TULP2: variants seen among roughly 807,000 people sequenced by gnomAD.
TULP2 encodes the protein tubby-related protein 2.
TULP2 carries 64 observed loss-of-function variants against 60.3 expected under a neutral mutation model. The observed-to-expected ratio is 1.06, with a 90% CI of 0.87 to 1.31. TULP2 has a LOEUF of 1.31. Among genes scored for constraint, TULP2 ranks in the 50% most tolerant of loss-of-function variants. TULP2 has a pLI of 0.00. For missense variants in TULP2, 652 were observed against 667.0 expected (o/e 0.98, Z 0.25); for synonymous variants, 267 against 265.4 (o/e 1.01, Z -0.06).
chr19:48,889,417 T>G, intron 7 of TULP2, 93 bp downstream of exon 7: 1 of 1,484,636 alleles, frequency 6.7e-7, no homozygotes, highest in South Asian at 1.4e-5. Flanking sequence ...AAAGAGCTTC[T>G]GATTGGGTGG....
intron 12 of TULP2, among the ~76,000 whole-genome samples, chr19:48,881,574 G>A (rs1008118376): frequency 2.0e-5 from 3 of 151,800 alleles, no homozygotes; most frequent in Non-Finnish European, 4.4e-5. Flanking sequence ...TAGTAGAGAC[G>A]GGGTTTCACC....
At chr19:48,886,838 A>G (rs541923145) in intron 8 of TULP2, among the ~76,000 whole-genome samples, 15 of 151,572 alleles carry the variant, frequency 9.9e-5, no homozygotes, top group South Asian at 2.1e-4. Flanking sequence ...CAGCCTCCCA[A>G]GTAGCTGGGA....
At chr19:48,887,889 G>T in intron 8 of TULP2, 61 bp downstream of exon 8, 3 of 1,548,472 alleles carry the variant, frequency 1.9e-6, no homozygotes. Context: ...TCAGAAAGGA[G>T]TGGGATTTTG....
At position 48,882,200 on chromosome 19, in the gene TULP2, G is replaced by GTTCC. The variant is rs747036452; in HGVS notation, c.1276-1_1278dup (p.Gln427GlyfsTer82). On this transcript the variant is annotated frameshift_variant, in exon 12 of 13. Transcript: ENST00000221399. LOFTEE classifies it high-confidence loss of function. ...TGGTAACGACTCAGTAGCGACTCCTGTTCCTAGAAGGTAAAGAAGGGGCTG... is the reference window on the plus strand; with the variant it reads ...TGGTAACGACTCAGTAGCGACTCCTGTTCCTTCCTAGAAGGTAAAGAAGGGGCTG... The GTTCC allele has an allele frequency of 1.9e-6, 3 of 1,614,050 alleles. No individual in the cohort carries two copies. The highest frequency in any genetic ancestry group is 2.5e-6 in the Non-Finnish European group (3 of 1,179,986).
At position 48,885,574 on chromosome 19, in the gene TULP2, G is replaced by GA. The variant is rs2037172522; in HGVS notation, c.949-15dup. 6.2e-7 allele frequency: 1 copy of GA among 1,610,166 alleles called. No homozygotes were observed. The highest frequency in any genetic ancestry group is 8.5e-7 in the Non-Finnish European group (1 of 1,176,770). ...CAGGAGGAAGCGCTATGGATGAGAG[G>GA]AACAGTCCATTAGAATGGACTTCTG... On this transcript the variant is annotated splice_polypyrimidine_tract_variant and intron_variant, in intron 8 of 12. Transcript: ENST00000221399.
Position 48,889,608 on chromosome 19 carries a change from C to A in TULP2, c.538G>T (p.Asp180Tyr). 2 of 1,583,756 alleles carry A rather than the reference C, an allele frequency of 1.3e-6. No homozygotes were observed. The highest frequency in any genetic ancestry group is 1.1e-5 in the South Asian group (1 of 89,026). The change falls in exon 7 of 13, where the codon GAC becomes TAC. Residue 180 changes from aspartate to tyrosine, a missense_variant. Coordinates refer to ENST00000221399, the MANE Select transcript of TULP2 (RefSeq NM_003323.3). Reference sequence around the variant, plus strand: ...TGTGCATCTCCCATATCCTGGGAGTCACTCTCACCCTCTGCACGGGTCCCT... The same window carrying A: ...TGTGCATCTCCCATATCCTGGGAGTAACTCTCACCCTCTGCACGGGTCCCT... Reference protein sequence around the residue: ...RPGTRAEGESDSQDMGDAHKS... With the variant: ...RPGTRAEGESYSQDMGDAHKS...
chr19:48,897,275 TG>T lies in TULP2; in HGVS notation c.84+69del. 8.4e-6 allele frequency: 13 copies of T among 1,545,256 alleles called. No individual in the cohort carries two copies. The highest frequency in any genetic ancestry group is 1.2e-5 in the Non-Finnish European group (13 of 1,125,210). On this transcript the variant is annotated intron_variant, in intron 3 of 12. Transcript: ENST00000221399. This position sits in a 1 kb window ranked among gnomAD's most constrained non-coding sequence, Gnocchi z 4.0. Reference sequence around the variant, plus strand: ...GGGCTGGGAGTCCTAGAGCAAGACCTGGTGGAGAGGCCCCTGGGGAGGCACA... The same window carrying T: ...GGGCTGGGAGTCCTAGAGCAAGACCTGTGGAGAGGCCCCTGGGGAGGCACA...
At chr19:48,884,770 C>T (rs998609984) in intron 9 of TULP2, among the ~76,000 whole-genome samples, 1 of 151,502 alleles carries the variant, frequency 6.6e-6, no homozygotes, top group Non-Finnish European at 1.5e-5. Context: ...AACTCTGTCT[C>T]AATAATAATA....
chr19:48,888,232 G>C lies in TULP2; in HGVS notation c.666C>G (p.Ala222=), dbSNP rs775552449. ...KEEDLEKKRE[A]SESTGTNSSA... ...AGGAGTTCGTCCCTGTAGACTCAGA[G>C]GCCTCTCTCTTCTTTTCCAAGTCTT... is the stretch of plus-strand genomic sequence containing the variant. The change falls in exon 8 of 13, where the codon GCC becomes GCG. Residue 222 remains alanine, a synonymous_variant. Coordinates refer to ENST00000221399, the MANE Select transcript of TULP2 (RefSeq NM_003323.3). 1 of 1,600,200 alleles carries C rather than the reference G, an allele frequency of 6.2e-7. No individual in the cohort carries two copies. The highest frequency in any genetic ancestry group is 1.7e-5 in the Admixed American group (1 of 59,104).
intron 11 of TULP2, among the ~76,000 whole-genome samples, chr19:48,883,392 T>C (rs1051475720): frequency 2.0e-5 from 3 of 152,134 alleles, no homozygotes; most frequent in Non-Finnish European, 4.4e-5. Context: ...GCTTTGCCTA[T>C]GGAGTAGCCA....
At chr19:48,887,894 AT>A (rs2037196317) in intron 8 of TULP2, 55 bp downstream of exon 8, 2 of 1,560,824 alleles carry the variant, frequency 1.3e-6, no homozygotes, top group East Asian at 4.5e-5. Flanking sequence ...AAGGAGTGGG[AT>A]TTTGCCTGGG....
chr19:48,894,896 G>T, intron 6 of TULP2, 102 bp downstream of exon 6: 2 of 1,424,182 alleles, frequency 1.4e-6, no homozygotes, highest in African/African-American at 1.4e-5. Context: ...GACTTGTATG[G>T]TTTGTGAATT....
At chr19:48,893,710 C>T (rs1171219140) in intron 6 of TULP2, among the ~76,000 whole-genome samples, 4 of 152,070 alleles carry the variant, frequency 2.6e-5, no homozygotes, top group Admixed American at 6.5e-5. Flanking sequence ...CATGCCACCA[C>T]GCCCAGCTAA....
intron 8 of TULP2, 90 bp downstream of exon 8, chr19:48,887,860 A>G: frequency 7.1e-7 from 1 of 1,403,356 alleles, no homozygotes; most frequent in Non-Finnish European, 9.8e-7. Context: ...GCCCAGCCCC[A>G]GGCTGGTCTT....
At position 48,897,967 on chromosome 19, in the gene TULP2, A is replaced by ATTTATTTG; in HGVS notation, c.-1-99_-1-98insCAAATAAA. ...TTTAGCCTTATTTATTTATTTATTT[A>ATTTATTTG]TTTATTTATTTATGTATTTAGAGAC... On this transcript the variant is annotated intron_variant, in intron 1 of 12. Transcript: ENST00000221399. This position sits in a 1 kb window ranked among gnomAD's most constrained non-coding sequence, Gnocchi z 4.0. 1.1e-6 allele frequency: 1 copy of ATTTATTTG among 923,170 alleles called. No individual in the cohort carries two copies. Among genetic ancestry groups the ATTTATTTG allele is most frequent in the Non-Finnish European group, 1.5e-6 (1 of 680,904 alleles). The allele number at this position is 923,170 out of a possible 1,614,324, so 57.2% of individuals were successfully genotyped here.
At chr19:48,896,727 A>G (rs2037286092) in intron 3 of TULP2, 171 bp from the exon 4 acceptor site, 2 of 744,948 alleles carry the variant, frequency 2.7e-6, no homozygotes, top group African/African-American at 3.7e-5. Context: ...CCCTTATTCC[A>G]CCGTTGGACT....
At chr19:48,885,174 T>C (rs1379041524) in intron 9 of TULP2, among the ~76,000 whole-genome samples, 2 of 152,130 alleles carry the variant, frequency 1.3e-5, no homozygotes, top group Non-Finnish European at 2.9e-5. Context: ...GTGCTGAGAT[T>C]ATAGGCGTGA....
At chr19:48,896,380 C>T (rs1429767899) in intron 4 of TULP2, 50 bp downstream of exon 4, 2 of 1,545,120 alleles carry the variant, frequency 1.3e-6, no homozygotes, top group East Asian at 2.3e-5. Context: ...CCCACAGACT[C>T]CCACAGGCCC....
intron 5 of TULP2, 46 bp downstream of exon 5, chr19:48,895,320 G>T: frequency 6.2e-7 from 1 of 1,601,338 alleles, no homozygotes; most frequent in Non-Finnish European, 8.5e-7. Context: ...GGGTTTTAGT[G>T]GGGACGGAGT....
Sources: gnomAD v4.1 joint callset for allele counts (sites outside exome capture counted in the v4.1 genomes callset) on GRCh38, gnomAD v4.1.1 for gene constraint, Gnocchi (gnomAD v3.1) non-coding constraint, MANE v1.5 for transcripts, NCBI Gene and HGNC (gene_info 2026-07-23, HGNC 2026-07-21) for gene names.